The following FAF1 variants were observed in gnomAD, a reference collection of about 807,000 sequenced individuals.
FAF1 encodes Fas associated factor 1.
Under a neutral mutation model 92.5 loss-of-function variants are expected in FAF1, and 25 were observed. The ratio of observed to expected loss-of-function variants is 0.27; its 90% CI spans 0.20 to 0.38. FAF1 has a LOEUF of 0.38. Ranked by LOEUF, FAF1 falls within the 10% of genes least tolerant of loss-of-function variation. The pLI is 1.00. For missense variants in FAF1, 636 were observed against 793.3 expected (o/e 0.80, Z 2.38); for synonymous variants, 234 against 273.2 (o/e 0.86, Z 1.42).
chr1:50,448,293 G>C (rs1646252708), intron 18 of FAF1, among the ~76,000 whole-genome samples: 1 of 152,138 alleles, frequency 6.6e-6, no homozygotes. Flanking sequence ...GGGATACCTG[G>C]GTTGGATTCC....
chr1:50,459,967 C>T (rs972039636), intron 18 of FAF1, among the ~76,000 whole-genome samples: 2 of 152,168 alleles, frequency 1.3e-5, no homozygotes, highest in African/African-American at 2.4e-5. Context: ...ATTCTGTCCT[C>T]AATTAGTGGA....
chr1:50,567,011 A>G, intron 13 of FAF1, 66 bp downstream of exon 13: 2 of 1,238,798 alleles, frequency 1.6e-6, no homozygotes, highest in Non-Finnish European at 2.2e-6. Context: ...GTTTATGATG[A>G]TGATAAACAC....
At chr1:50,631,577 T>C (rs1314122039) in intron 8 of FAF1, among the ~76,000 whole-genome samples, 1 of 152,176 alleles carries the variant, frequency 6.6e-6, no homozygotes, top group Non-Finnish European at 1.5e-5. Context: ...TTCCTTTAAG[T>C]GAAAAGGAGA....
At chr1:50,786,651 G>A (rs1017704128) in intron 4 of FAF1, among the ~76,000 whole-genome samples, 1 of 152,180 alleles carries the variant, frequency 6.6e-6, no homozygotes, top group African/African-American at 2.4e-5. Context: ...TGGGTACAGG[G>A]TGAAGGGGTT....
intron 15 of FAF1, among the ~76,000 whole-genome samples, chr1:50,525,125 A>G (rs1647725566): frequency 6.6e-6 from 1 of 152,128 alleles, no homozygotes; most frequent in African/African-American, 2.4e-5. Context: ...GCCTCAGGTG[A>G]TCCACCCGCC....
intron 6 of FAF1, among the ~76,000 whole-genome samples, chr1:50,720,432 A>T (rs1364419703): frequency 6.6e-6 from 1 of 152,232 alleles, no homozygotes; most frequent in Non-Finnish European, 1.5e-5. Context: ...TTGAGAAATG[A>T]AATTACTTTA....
At chr1:50,860,148 G>C (rs1238742380) in intron 1 of FAF1, among the ~76,000 whole-genome samples, 4 of 151,626 alleles carry the variant, frequency 2.6e-5, no homozygotes, top group East Asian at 3.9e-4. Flanking sequence ...CAAACTATAA[G>C]AATCTAGAAG....
At chr1:50,556,718 T>C (rs1035173750) in intron 13 of FAF1, among the ~76,000 whole-genome samples, 2 of 152,002 alleles carry the variant, frequency 1.3e-5, no homozygotes, top group Non-Finnish European at 2.9e-5. Context: ...GCACCTGTAG[T>C]CCCAGCTACT....
chr1:50,731,716 A>C (rs2124474456), intron 6 of FAF1, among the ~76,000 whole-genome samples: 1 of 152,200 alleles, frequency 6.6e-6, no homozygotes, highest in South Asian at 2.1e-4. Context: ...CAAATTTCTA[A>C]GTATCATTTT....
rs79175924 is a variant in FAF1 at position 50,667,704 on chromosome 1, T to C, written c.658-12176A>G. 3.0e-3 allele frequency among the ~76,000 whole-genome samples: 458 copies of C among 152,350 alleles called. 4 individuals carry two copies. Among genetic ancestry groups the C allele is most frequent in the African/African-American group, 0.01 (432 of 41,584 alleles). ...GCCTAAATGTCATTCACTTAGTTAATGTCTAGGTCAGAACAATAATGCGGA... is the reference window on the plus strand; with the variant it reads ...GCCTAAATGTCATTCACTTAGTTAACGTCTAGGTCAGAACAATAATGCGGA... On this transcript the variant is annotated intron_variant, in intron 7 of 18. Transcript: ENST00000396153.
At chr1:50,833,199 T>G (rs1481471113) in intron 2 of FAF1, among the ~76,000 whole-genome samples, 1 of 152,164 alleles carries the variant, frequency 6.6e-6, no homozygotes. Flanking sequence ...ATTGCAAGTA[T>G]TAGGTCCCCT....
intron 8 of FAF1, among the ~76,000 whole-genome samples, chr1:50,638,445 C>CTTTTTTTTTTTTTT (rs35054798): frequency 7.6e-6 from 1 of 131,624 alleles, no homozygotes; most frequent in Non-Finnish European, 1.6e-5. Flanking sequence ...TTTTCTTTTT[C>CTTTTTTTTTTTTTT]TTTTTTTTTT....
chr1:50,675,518 T>C (rs569636895), intron 7 of FAF1, among the ~76,000 whole-genome samples: 3 of 152,318 alleles, frequency 2.0e-5, no homozygotes, highest in East Asian at 1.9e-4. Context: ...TTATAGAAAA[T>C]GTAGGGTTCA....
chr1:50,739,490 T>C (rs961985967), intron 5 of FAF1, among the ~76,000 whole-genome samples: 7 of 152,174 alleles, frequency 4.6e-5, no homozygotes, highest in Non-Finnish European at 8.8e-5. Context: ...TAAACCTGAA[T>C]GTTAATATAT....
intron 15 of FAF1, among the ~76,000 whole-genome samples, chr1:50,523,759 A>G (rs954975395): frequency 1.3e-5 from 2 of 152,124 alleles, no homozygotes; most frequent in African/African-American, 4.8e-5. Context: ...TCCATGGTGT[A>G]TATATACCAC....
At chr1:50,812,819 C>T (rs1436213114) in intron 2 of FAF1, among the ~76,000 whole-genome samples, 3 of 152,118 alleles carry the variant, frequency 2.0e-5, no homozygotes, top group African/African-American at 4.8e-5. Context: ...ATGGAATCAA[C>T]CTAAATGCTC....
At chr1:50,531,482 G>A (rs1306909363) in intron 15 of FAF1, among the ~76,000 whole-genome samples, 1 of 152,070 alleles carries the variant, frequency 6.6e-6, no homozygotes, top group African/African-American at 2.4e-5. Flanking sequence ...TTGGAATCAG[G>A]CTTTAGGCAA....
chr1:50,535,223 A>C lies in FAF1; in HGVS notation c.1494+146T>G, dbSNP rs1460452904. 5 of 574,562 alleles carry C rather than the reference A, an allele frequency of 8.7e-6. No homozygotes were observed. In the Admixed American group the frequency reaches 1.5e-4, roughly 17 times the overall value. The allele number at this position is 574,562 out of a possible 1,614,324, so 35.6% of individuals were successfully genotyped here. On this transcript the variant is annotated intron_variant, in intron 15 of 18. Transcript: ENST00000396153. ...AAGAATGGACTGAAAGGTAAACTCC[A>C]TAGCATAAAAACCCTTGGTAAATTT...
chr1:50,741,979 G>A (rs1171226169), intron 5 of FAF1, among the ~76,000 whole-genome samples: 3 of 152,122 alleles, frequency 2.0e-5, no homozygotes, highest in African/African-American at 7.2e-5. Context: ...AATGTCATGG[G>A]AATAGCAGAA....
Sources: gnomAD v4.1 joint callset for allele counts (sites outside exome capture counted in the v4.1 genomes callset) on GRCh38, gnomAD v4.1.1 for gene constraint, MANE v1.5 for transcripts, NCBI Gene and HGNC (gene_info 2026-07-23, HGNC 2026-07-21) for gene names.